The following GABBR2 variants were observed in gnomAD, a reference collection of about 807,000 sequenced individuals.
GABBR2 encodes G-protein coupled receptor 51.
GABBR2 carries 23 observed loss-of-function variants against 105.6 expected under a neutral mutation model. That is an observed-to-expected ratio of 0.22 (90% CI 0.16 to 0.31). The LOEUF (loss-of-function observed/expected upper bound fraction) is 0.31. Among genes scored for constraint, GABBR2 ranks in the 10% least tolerant of loss-of-function variants. The pLI, the probability that GABBR2 is intolerant of heterozygous loss-of-function variation, is 1.00. For synonymous variants in GABBR2, 478 were observed against 499.7 expected, an observed-to-expected ratio of 0.96 and a Z score of 0.58; for missense variants, 734 against 1,245.5, an observed-to-expected ratio of 0.59 and a Z score of 6.18.
At position 98,551,523 on chromosome 9, in the gene GABBR2, G is replaced by C. The variant is rs989033000; in HGVS notation, c.460-9480C>G. Reference sequence around the variant, plus strand: ...CCCAGAAAGGTCATCCAGTAGACCAGGGAGGGAACAATTTATGCCATGGCT... The same window carrying C: ...CCCAGAAAGGTCATCCAGTAGACCACGGAGGGAACAATTTATGCCATGGCT... On this transcript the variant is annotated intron_variant, in intron 2 of 18. Transcript: ENST00000259455. Among the ~76,000 whole-genome samples the C allele has an allele frequency of 2.1e-4, 32 of 152,322 alleles. 1 individual carries two copies. The highest frequency in any genetic ancestry group is 7.5e-4 in the African/African-American group (31 of 41,584).
rs776410173 is a variant in GABBR2, at chr9:98,303,211, G to A, written c.2412+30C>T. The A allele has an allele frequency of 2.5e-6, 4 of 1,598,012 alleles. No homozygotes were observed. In the South Asian group the frequency reaches 3.3e-5, roughly 13 times the overall value. On this transcript the variant is annotated intron_variant, in intron 16 of 18. Coordinates refer to ENST00000259455, the MANE Select transcript of GABBR2 (RefSeq NM_005458.8). Reference sequence around the variant, plus strand: ...TTAGAGGGGCTTCAGTGGCAGACAGGGCCCAGCTACCAGATGCAGAGGGAG... The same window carrying A: ...TTAGAGGGGCTTCAGTGGCAGACAGAGCCCAGCTACCAGATGCAGAGGGAG...
chr9:98,605,166 G>A (rs1829396267), intron 1 of GABBR2, among the ~76,000 whole-genome samples: 1 of 152,242 alleles, frequency 6.6e-6, no homozygotes, highest in African/African-American at 2.4e-5. Flanking sequence ...TTCTGTTGAG[G>A]CCTCCACAGG....
intron 6 of GABBR2, among the ~76,000 whole-genome samples, chr9:98,462,778 C>CT (rs571825919): frequency 1.1e-4 from 16 of 152,200 alleles, no homozygotes; most frequent in Non-Finnish European, 2.2e-4. Flanking sequence ...TATGGCTACT[C>CT]TGACTCAGAA....
chr9:98,299,160 A>G, intron 17 of GABBR2, 64 bp downstream of exon 17: 3 of 1,377,570 alleles, frequency 2.2e-6, no homozygotes, highest in Admixed American at 3.4e-5. Context: ...TAAAAAATGG[A>G]AGATGAACAG....
At chr9:98,579,616 G>A (rs2131782152) in intron 1 of GABBR2, among the ~76,000 whole-genome samples, 1 of 152,170 alleles carries the variant, frequency 6.6e-6, no homozygotes, top group African/African-American at 2.4e-5. Flanking sequence ...CTCTCAAAAG[G>A]TTAAAAACAT....
chr9:98,558,728 A>G (rs890834241), intron 2 of GABBR2, among the ~76,000 whole-genome samples: 2 of 152,230 alleles, frequency 1.3e-5, no homozygotes, highest in African/African-American at 4.8e-5. Flanking sequence ...GTGTCTCATC[A>G]TGACTACACT....
chr9:98,632,826 T>C (rs1484598571), intron 1 of GABBR2, among the ~76,000 whole-genome samples: 2 of 152,124 alleles, frequency 1.3e-5, no homozygotes, highest in Non-Finnish European at 2.9e-5. Context: ...TACCACTAAG[T>C]TTGGGATGGT....
chr9:98,509,281 A>G (rs1336148313), intron 3 of GABBR2, among the ~76,000 whole-genome samples: 1 of 152,158 alleles, frequency 6.6e-6, no homozygotes, highest in East Asian at 1.9e-4. Context: ...CGTCACCATC[A>G]TCAAAGACCA....
intron 1 of GABBR2, among the ~76,000 whole-genome samples, chr9:98,604,953 T>G (rs1829391878): frequency 6.6e-6 from 1 of 152,200 alleles, no homozygotes; most frequent in South Asian, 2.1e-4. Context: ...GCCCTCATGA[T>G]ATGCCATTCA....
chr9:98,431,825 AGC>A (rs1825813639), intron 7 of GABBR2, among the ~76,000 whole-genome samples: 1 of 152,116 alleles, frequency 6.6e-6, no homozygotes, highest in Non-Finnish European at 1.5e-5. Flanking sequence ...CCTCCCAAGT[AGC>A]TGGGATTACA....
At chr9:98,382,836 G>A (rs1179870367) in intron 11 of GABBR2, among the ~76,000 whole-genome samples, 3 of 152,238 alleles carry the variant, frequency 2.0e-5, no homozygotes, top group African/African-American at 7.2e-5. Flanking sequence ...CAAAAGTCAT[G>A]CTGATGTAGG....
Position 98,397,443 on chromosome 9 carries a change from A to G in GABBR2, c.1298-3188T>C, listed in dbSNP as rs1188375032. ...TTTAAATCACAATTTCAGATCTTGC[A>G]TGACTGTATCTGTAAACTGGGAACT... On this transcript the variant is annotated intron_variant, in intron 8 of 18. Transcript: ENST00000259455. 2.0e-5 allele frequency among the ~76,000 whole-genome samples: 3 copies of G among 152,094 alleles called. No individual in the cohort carries two copies. In the East Asian group the frequency reaches 5.8e-4, roughly 29 times the overall value.
intron 2 of GABBR2, among the ~76,000 whole-genome samples, chr9:98,564,035 T>C (rs372903357): frequency 5.3e-5 from 7 of 132,474 alleles, no homozygotes; most frequent in Non-Finnish European, 1.2e-4. Context: ...TTATTTTTTA[T>C]ACACAAGTTA....
chr9:98,692,531 C>T (rs1053263786), intron 1 of GABBR2, among the ~76,000 whole-genome samples: 1 of 152,224 alleles, frequency 6.6e-6, no homozygotes, highest in African/African-American at 2.4e-5. Context: ...CCTTCGGGAA[C>T]AGCCATGATA....
intron 1 of GABBR2, chr9:98,607,049 C>G: frequency 4.4e-6 from 6 of 1,376,544 alleles, no homozygotes; most frequent in Non-Finnish European, 6.2e-6. Context: ...ATCTCCCAAA[C>G]CAAGTATACA....
In GABBR2 at chr9:98,586,519, T is replaced by C. The variant is rs1245812787; in HGVS notation, c.322-8447A>G. Among the ~76,000 whole-genome samples, 4 of 152,144 alleles carry C rather than the reference T, an allele frequency of 2.6e-5. 1 individual carries two copies. On this transcript the variant is annotated intron_variant, in intron 1 of 18. Coordinates refer to ENST00000259455, the MANE Select transcript of GABBR2 (RefSeq NM_005458.8). ...TCTGCCATGTTGACCAGGCTGGTCTTGAACTCCTGACCTCAAGTGATCCAC... is the reference window on the plus strand; with the variant it reads ...TCTGCCATGTTGACCAGGCTGGTCTCGAACTCCTGACCTCAAGTGATCCAC...
At chr9:98,480,749 C>T (rs1826903647) in intron 5 of GABBR2, among the ~76,000 whole-genome samples, 183 bp downstream of exon 5, 1 of 152,140 alleles carries the variant, frequency 6.6e-6, no homozygotes, top group East Asian at 1.9e-4. Context: ...TGGTATTGTT[C>T]TGAGCCCTGG....
At chr9:98,527,319 C>T (rs150374031) in intron 3 of GABBR2, among the ~76,000 whole-genome samples, 520 of 151,932 alleles carry the variant, frequency 3.4e-3, no homozygotes, top group Non-Finnish European at 4.9e-3. Flanking sequence ...AGAACTCAGA[C>T]GGTCATTCTG....
chr9:98,388,660 T>TGTGTGTGC lies in GABBR2; in HGVS notation c.1529+193_1529+194insGCACACAC, dbSNP rs1053006846. Among the ~76,000 whole-genome samples, 23 of 141,708 alleles carry TGTGTGTGC rather than the reference T, an allele frequency of 1.6e-4. No individual in the cohort carries two copies. The highest frequency in any genetic ancestry group is 6.1e-4 in the African/African-American group (22 of 35,926). 93.0% of individuals were successfully genotyped at this position (141,708 alleles called of 152,430 possible). ...GTGTGTGTGTGTGTGTGTGTGTGTG[T>TGTGTGTGC]GCGTGCACGCACACACACGTACTCA... On this transcript the variant is annotated intron_variant, in intron 10 of 18. Transcript: ENST00000259455. The surrounding 1 kb of genome is among the most constrained non-coding windows in gnomAD (Gnocchi z 4.4).
Sources: allele counts gnomAD v4.1 joint callset (sites outside exome capture counted in the v4.1 genomes callset), GRCh38; gene constraint gnomAD v4.1.1; non-coding constraint Gnocchi (gnomAD v3.1); transcripts MANE v1.5; gene names NCBI Gene and HGNC (gene_info 2026-07-23, HGNC 2026-07-21).